The following RASAL2 variants were observed in gnomAD, a reference collection of about 807,000 sequenced individuals.
RASAL2 encodes the protein RAS protein activator like 2, also known as ras GTPase-activating protein nGAP.
Under a neutral mutation model 128.9 loss-of-function variants are expected in RASAL2, and 58 were observed. The ratio of observed to expected loss-of-function variants is 0.45; its 90% CI spans 0.36 to 0.56. The LOEUF (loss-of-function observed/expected upper bound fraction) is 0.56. RASAL2 is among the 20% of genes least tolerant of loss of function. The pLI is 0.00. For synonymous variants in RASAL2, 561 were observed against 580.8 expected, an observed-to-expected ratio of 0.97 and a Z score of 0.49; for missense variants, 1,360 against 1,601.6, an observed-to-expected ratio of 0.85 and a Z score of 2.57.
Position 178,094,583 on chromosome 1 carries a change from C to T in RASAL2, c.91C>T (p.Pro31Ser). Residue 31 changes from proline (P) to serine (S), a missense_variant, in exon 1 of 18, where the codon CCG (proline) becomes TCG (serine). By Grantham distance (74) the Pro-to-Ser change is moderately conservative. Around this residue, in one of 3 missense-constraint regions of RASAL2, gnomAD observed 617 missense variants for 714.2 expected, o/e 0.86. Coordinates refer to ENST00000367649, the MANE Select transcript of RASAL2 (RefSeq NM_170692.4). ...PALESDSPLP[P>S]EDLDAVVPVS... ...GCTGGAGTCCGACTCGCCGCTGCCC[C>T]CGGAGGACCTGGACGCGGTTGTCCC... The T allele has an allele frequency of 6.2e-7, 1 of 1,608,468 alleles. No individual in the cohort carries two copies. The highest frequency in any genetic ancestry group is 8.5e-7 in the Non-Finnish European group (1 of 1,177,704).
chr1:178,380,939 G>T (rs920546993), intron 3 of RASAL2, among the ~76,000 whole-genome samples: 5 of 152,088 alleles, frequency 3.3e-5, no homozygotes, highest in African/African-American at 1.2e-4. Context: ...GTATTAATTG[G>T]AAATCAAAGA....
chr1:178,291,405 A>G (rs1359053316), intron 2 of RASAL2, among the ~76,000 whole-genome samples: 2 of 152,224 alleles, frequency 1.3e-5, no homozygotes, highest in Admixed American at 1.3e-4. Context: ...TGTGGATTAT[A>G]TGGAAAATGA....
intron 3 of RASAL2, among the ~76,000 whole-genome samples, chr1:178,315,061 T>C (rs1199322403): frequency 2.0e-5 from 3 of 148,402 alleles, no homozygotes; most frequent in Admixed American, 6.8e-5. Context: ...GATCTTGCGA[T>C]AGTTTACTGA....
intron 1 of RASAL2, among the ~76,000 whole-genome samples, chr1:178,271,689 C>A (rs536842050): frequency 2.6e-4 from 39 of 152,304 alleles, no homozygotes; most frequent in African/African-American, 8.9e-4. Flanking sequence ...AACCTCTGTT[C>A]ACCTTTTGAC....
rs1669610540 is a variant in RASAL2, at chr1:178,336,842, T to A, written c.457+36724T>A. Among the ~76,000 whole-genome samples, 3 of 152,232 alleles carry A rather than the reference T, an allele frequency of 2.0e-5. No homozygotes were observed. The South Asian group carries it at 6.2e-4, about 32-fold the overall frequency. On this transcript the variant is annotated intron_variant, in intron 3 of 17. Transcript: ENST00000367649. The stretch of plus-strand genomic sequence containing the variant: ...GCTTTTCATTGTTTATTCATGAATT[T>A]TTTTGTAGAAATAAAAGTGTTGGTT...
At chr1:178,295,643 C>G (rs978572489) in intron 2 of RASAL2, among the ~76,000 whole-genome samples, 1 of 152,166 alleles carries the variant, frequency 6.6e-6, no homozygotes, top group Non-Finnish European at 1.5e-5. Flanking sequence ...CTTGTTAAAA[C>G]ACAGATTGCC....
At position 178,442,905 on chromosome 1, in the gene RASAL2, GA is replaced by G. The variant is rs771909008; in HGVS notation, c.1166del (p.Lys389ArgfsTer7). Reference protein sequence around the residue: ...VHIYKDVEKKKKKDKNNYVGL... With the variant: ...VHIYKDVEKKXKKDKNNYVGL... The stretch of plus-strand genomic sequence containing the variant: ...ACATTTACAAGGATGTGGAAAAAAA[GA>G]AAAAAAAGGACAAGAATAATTATGT... On this transcript the variant is annotated frameshift_variant, in exon 8 of 18. Coordinates refer to ENST00000367649, the MANE Select transcript of RASAL2 (RefSeq NM_170692.4). LOFTEE classifies it high-confidence loss of function. 2 of 1,611,280 alleles carry G rather than the reference GA, an allele frequency of 1.2e-6. No individual in the cohort carries two copies. Among genetic ancestry groups the G allele is most frequent in the Non-Finnish European group, 1.7e-6 (2 of 1,179,206 alleles).
chr1:178,269,201 A>G (rs1026699854), intron 1 of RASAL2, among the ~76,000 whole-genome samples: 2 of 152,230 alleles, frequency 1.3e-5, no homozygotes, highest in African/African-American at 4.8e-5. Context: ...GAAGGTGGCC[A>G]TCTGTAAGCC....
At chr1:178,209,410 G>T (rs1310503741) in intron 1 of RASAL2, among the ~76,000 whole-genome samples, 1 of 152,072 alleles carries the variant, frequency 6.6e-6, no homozygotes, top group Non-Finnish European at 1.5e-5. Context: ...CTGAATCCTT[G>T]CCTGTCATTT....
intron 1 of RASAL2, among the ~76,000 whole-genome samples, chr1:178,116,010 A>G (rs965352442): frequency 6.6e-6 from 1 of 152,106 alleles, no homozygotes; most frequent in Non-Finnish European, 1.5e-5. Context: ...TTTTCCCTAA[A>G]CTGGAAGCAT....
intron 1 of RASAL2, among the ~76,000 whole-genome samples, chr1:178,191,277 T>A (rs926292616): frequency 1.3e-5 from 2 of 152,080 alleles, no homozygotes; most frequent in Non-Finnish European, 2.9e-5. Context: ...TCAAACTGTA[T>A]GTGCTTTTAA....
chr1:178,454,812 A>G (rs113199595), intron 12 of RASAL2, among the ~76,000 whole-genome samples, 164 bp downstream of exon 12: 1 of 152,278 alleles, frequency 6.6e-6, no homozygotes, highest in African/African-American at 2.4e-5. Context: ...GAGATCGACA[A>G]CCATGAAACT....
At chr1:178,135,282 A>G (rs1370980484) in intron 1 of RASAL2, among the ~76,000 whole-genome samples, 1 of 152,146 alleles carries the variant, frequency 6.6e-6, no homozygotes, top group Non-Finnish European at 1.5e-5. Context: ...ATGTGTTATT[A>G]TTGCCTACAG....
At chr1:178,294,283 T>TC (rs71567188) in intron 2 of RASAL2, among the ~76,000 whole-genome samples, 1 of 151,794 alleles carries the variant, frequency 6.6e-6, no homozygotes, top group African/African-American at 2.4e-5. Flanking sequence ...CAGAGATACT[T>TC]CCCCCCACCC....
chr1:178,175,437 CGTGTGTGTGTGTGTGTGT>C (rs1158552851), intron 1 of RASAL2, among the ~76,000 whole-genome samples: 2 of 144,334 alleles, frequency 1.4e-5, no homozygotes, highest in Admixed American at 6.9e-5. Context: ...TACATGGTTA[CGTGTGTGTGTGTGTGTGT>C]GTGTGTGTGT....
intron 3 of RASAL2, among the ~76,000 whole-genome samples, chr1:178,323,382 A>C (rs1320331854): frequency 2.0e-5 from 3 of 152,224 alleles, no homozygotes; most frequent in African/African-American, 4.8e-5. Context: ...TGTCAAAGTG[A>C]AAAATAATCT....
intron 1 of RASAL2, among the ~76,000 whole-genome samples, chr1:178,262,010 G>GTC (rs915047214): frequency 4.6e-5 from 7 of 151,926 alleles, no homozygotes; most frequent in Non-Finnish European, 8.8e-5. Context: ...CCTTTTGAGA[G>GTC]TCTCTCTATT....
intron 5 of RASAL2, among the ~76,000 whole-genome samples, chr1:178,433,871 T>G (rs1314216160): frequency 6.7e-6 from 1 of 148,832 alleles, no homozygotes; most frequent in East Asian, 1.9e-4. Flanking sequence ...GAGCTGAGAT[T>G]GCACCACTGC....
chr1:178,305,675 T>A (rs989600631), intron 3 of RASAL2, among the ~76,000 whole-genome samples: 3 of 152,176 alleles, frequency 2.0e-5, no homozygotes, highest in African/African-American at 7.2e-5. Context: ...CACGTTAAGT[T>A]TGAGGGTATT....
Sources: allele counts gnomAD v4.1 joint callset (sites outside exome capture counted in the v4.1 genomes callset), GRCh38; gene constraint gnomAD v4.1.1; regional missense constraint gnomAD v4.1.1; transcripts MANE v1.5; gene names NCBI Gene and HGNC (gene_info 2026-07-23, HGNC 2026-07-21).